Variants in ROBO1 observed in about 807,000 individuals in gnomAD.
The protein encoded by ROBO1 is roundabout guidance receptor 1.
In ROBO1, 149 loss-of-function variants were observed where a neutral mutation model predicts 195.9. The ratio of observed to expected loss-of-function variants is 0.76; its 90% CI spans 0.67 to 0.87. The LOEUF is 0.87. Ranked by LOEUF, ROBO1 falls within the 40% of genes least tolerant of loss-of-function variation. ROBO1 has a pLI of 0.00. For missense variants in ROBO1, 1,933 were observed against 2,068.3 expected (o/e 0.93, Z 1.27); for synonymous variants, 816 against 733.2 (o/e 1.11, Z -1.82).
chr3:79,616,845 C>T (rs970260895), intron 1 of ROBO1, among the ~76,000 whole-genome samples: 7 of 152,030 alleles, frequency 4.6e-5, no homozygotes, highest in East Asian at 3.9e-4. Context: ...CAGACTTGCA[C>T]GAAGGGTTGT....
intron 4 of ROBO1, among the ~76,000 whole-genome samples, chr3:78,835,376 T>C (rs1296388960): frequency 1.3e-5 from 2 of 152,168 alleles, no homozygotes; most frequent in Non-Finnish European, 2.9e-5. Context: ...AGATGAAATT[T>C]ATAACTTGGC....
chr3:78,773,053 T>G (rs2083418339), intron 4 of ROBO1, among the ~76,000 whole-genome samples: 1 of 152,120 alleles, frequency 6.6e-6, no homozygotes, highest in South Asian at 2.1e-4. Context: ...TAACACTTAC[T>G]CACTGACTAT....
chr3:78,729,341 C>T (rs1242963754), intron 5 of ROBO1, among the ~76,000 whole-genome samples: 1 of 152,170 alleles, frequency 6.6e-6, no homozygotes, highest in Non-Finnish European at 1.5e-5. Flanking sequence ...GTATCTTGCT[C>T]TCTATCCAAT....
chr3:79,736,915 T>G (rs1323003747), intron 1 of ROBO1, among the ~76,000 whole-genome samples: 1 of 152,216 alleles, frequency 6.6e-6, no homozygotes, highest in Non-Finnish European at 1.5e-5. Context: ...CAACATAAAT[T>G]CAGTGTAATT....
chr3:79,186,823 T>C (rs1357757253), intron 2 of ROBO1, among the ~76,000 whole-genome samples: 2 of 152,096 alleles, frequency 1.3e-5, no homozygotes, highest in Non-Finnish European at 2.9e-5. Context: ...TAAACTACCC[T>C]AGGTAGCCTC....
At chr3:78,822,097 C>CACACAT (rs1168839625) in intron 4 of ROBO1, among the ~76,000 whole-genome samples, 1 of 150,746 alleles carries the variant, frequency 6.6e-6, no homozygotes, top group Non-Finnish European at 1.5e-5. Context: ...TATACATACA[C>CACACAT]ACACACACAC....
At chr3:78,917,439 T>C (rs1419376703) in intron 4 of ROBO1, among the ~76,000 whole-genome samples, 3 of 152,174 alleles carry the variant, frequency 2.0e-5, no homozygotes, top group African/African-American at 7.2e-5. Flanking sequence ...CAAACGTTTT[T>C]GAAATAATTA....
In ROBO1 at chr3:78,927,349, C is replaced by T. The variant is rs576468340; in HGVS notation, c.499+11252G>A. 2.0e-4 allele frequency among the ~76,000 whole-genome samples: 30 copies of T among 152,248 alleles called. No homozygotes were observed. The East Asian group carries it at 5.6e-3, about 28-fold the overall frequency. ...CACATCCAAACCTGAGATACCAAGG[C>T]ACTTTTAAAATTGTATTTTCTTCCA... is the stretch of plus-strand genomic sequence containing the variant. On this transcript the variant is annotated intron_variant, in intron 4 of 30. Coordinates refer to ENST00000464233, the MANE Select transcript of ROBO1 (RefSeq NM_002941.4).
intron 2 of ROBO1, among the ~76,000 whole-genome samples, chr3:79,339,475 C>T (rs879483894): frequency 1.3e-5 from 2 of 152,136 alleles, no homozygotes; most frequent in African/African-American, 2.4e-5. Context: ...TCCACACTTA[C>T]TCTTCTCTCC....
intron 2 of ROBO1, among the ~76,000 whole-genome samples, chr3:79,443,178 C>T (rs1293724364): frequency 6.6e-6 from 1 of 152,080 alleles, no homozygotes; most frequent in Non-Finnish European, 1.5e-5. Flanking sequence ...ATTTCTGTGA[C>T]TAGAGGAGAA....
intron 4 of ROBO1, among the ~76,000 whole-genome samples, chr3:78,876,988 T>G (rs2035888511): frequency 1.3e-5 from 2 of 152,162 alleles, no homozygotes; most frequent in African/African-American, 4.8e-5. Flanking sequence ...ATTATGTGGC[T>G]TGGTGTCTAC....
At chr3:79,548,901 C>A (rs1942372907) in intron 2 of ROBO1, among the ~76,000 whole-genome samples, 1 of 152,124 alleles carries the variant, frequency 6.6e-6, no homozygotes, top group East Asian at 1.9e-4. Flanking sequence ...AATCAGTACA[C>A]AGGCAGGAGA....
intron 4 of ROBO1, among the ~76,000 whole-genome samples, chr3:78,834,791 AGC>A (rs2032552337): frequency 6.6e-6 from 1 of 152,114 alleles, no homozygotes; most frequent in Admixed American, 6.6e-5. Context: ...ATTTTTTTAA[AGC>A]AGGTCTAAAA....
intron 17 of ROBO1, 70 bp downstream of exon 17, chr3:78,659,616 C>T (rs1203264643): frequency 8.3e-7 from 1 of 1,198,996 alleles, no homozygotes; most frequent in African/African-American, 1.6e-5. Flanking sequence ...AAATACCAGC[C>T]TGCTTTTTCT....
chr3:79,624,184 G>A (rs1455261857), intron 1 of ROBO1, among the ~76,000 whole-genome samples: 1 of 152,058 alleles, frequency 6.6e-6, no homozygotes, highest in Non-Finnish European at 1.5e-5. Flanking sequence ...CCATGCAAGA[G>A]CTCCTAGAAG....
chr3:78,809,271 G>C (rs1302364076), intron 4 of ROBO1, among the ~76,000 whole-genome samples: 1 of 152,052 alleles, frequency 6.6e-6, no homozygotes, highest in East Asian at 1.9e-4. Context: ...TTAGAGAAAC[G>C]CAAATCAAAA....
At chr3:79,475,162 T>C (rs73129049) in intron 2 of ROBO1, among the ~76,000 whole-genome samples, 17,078 of 151,860 alleles carry the variant, frequency 0.11, 1,090 homozygotes, top group African/African-American at 0.18. Flanking sequence ...AAAAAAAATC[T>C]TTATTCTCAC....
Position 78,717,776 on chromosome 3 carries a change from C to T in ROBO1, c.765G>A (p.Glu255=), listed in dbSNP as rs777982440. 6 of 1,613,452 alleles carry T rather than the reference C, an allele frequency of 3.7e-6. No homozygotes were observed. The highest frequency in any genetic ancestry group is 5.1e-6 in the Non-Finnish European group (6 of 1,179,652). ...AATTACACTTACCTAAGACAGTCAG[C>T]TCGGCTACTTCACTCTCACGTTCCC... The part of the protein sequence containing the change: ...MVGERESEVA[E]LTVLERPSFV... The change falls in exon 6 of 31, where the codon GAG becomes GAA. Residue 255 remains glutamate, a synonymous_variant. Coordinates refer to ENST00000464233, the MANE Select transcript of ROBO1 (RefSeq NM_002941.4).
At chr3:79,025,133 G>A (rs1295821390) in intron 3 of ROBO1, among the ~76,000 whole-genome samples, 2 of 152,028 alleles carry the variant, frequency 1.3e-5, no homozygotes, top group African/African-American at 2.4e-5. Flanking sequence ...CTTCTATGCT[G>A]TTCCTAGAAT....
Sources: allele counts gnomAD v4.1 joint callset (sites outside exome capture counted in the v4.1 genomes callset), GRCh38; gene constraint gnomAD v4.1.1; transcripts MANE v1.5; gene names NCBI Gene and HGNC (gene_info 2026-07-23, HGNC 2026-07-21).